The following EML1 variants were observed in gnomAD, a reference collection of about 807,000 sequenced individuals.
EML1 encodes EMAP like 1, also known as echinoderm microtubule-associated protein-like 1.
EML1 carries 27 observed loss-of-function variants against 110.4 expected under a neutral mutation model. That is an observed-to-expected ratio of 0.24 (90% CI 0.18 to 0.34). The LOEUF (loss-of-function observed/expected upper bound fraction) is 0.34, where lower values mean the gene tolerates loss of function less well. Among genes scored for constraint, EML1 ranks in the 10% least tolerant of loss-of-function variants. EML1 has a pLI of 1.00. For synonymous variants in EML1, 344 were observed against 385.8 expected, an observed-to-expected ratio of 0.89 and a Z score of 1.27; for missense variants, 741 against 1,030.9, an observed-to-expected ratio of 0.72 and a Z score of 3.85.
chr14:99,851,523 G>C (rs1337814366), intron 2 of EML1, among the ~76,000 whole-genome samples: 1 of 152,038 alleles, frequency 6.6e-6, no homozygotes, highest in African/African-American at 2.4e-5. Context: ...TAGCCAGGAT[G>C]GTCTCGATCT....
intron 1 of EML1, among the ~76,000 whole-genome samples, chr14:99,833,629 G>A (rs992616555): frequency 7.9e-5 from 12 of 152,122 alleles, no homozygotes; most frequent in Admixed American, 5.9e-4. Context: ...CCACAGACAC[G>A]GTATATCTCT....
At chr14:99,816,081 A>G (rs1249091333) in intron 1 of EML1, among the ~76,000 whole-genome samples, 1 of 152,218 alleles carries the variant, frequency 6.6e-6, no homozygotes, top group Non-Finnish European at 1.5e-5. Flanking sequence ...TTGATGTCAA[A>G]TGTTGTCAGA....
intron 17 of EML1, among the ~76,000 whole-genome samples, chr14:99,921,909 C>G (rs1595485387): frequency 1.3e-5 from 2 of 152,148 alleles, no homozygotes; most frequent in Admixed American, 1.3e-4. Context: ...TCACTTCCAC[C>G]CTCACCCCCA....
At chr14:99,931,411 C>T (rs2060365156) in intron 17 of EML1, among the ~76,000 whole-genome samples, 3 of 152,206 alleles carry the variant, frequency 2.0e-5, no homozygotes, top group African/African-American at 4.8e-5. Context: ...TCTGCTGAGG[C>T]GCTGTTGGGC....
chr14:99,852,275 G>T (rs1390237880), intron 2 of EML1, among the ~76,000 whole-genome samples: 1 of 152,140 alleles, frequency 6.6e-6, no homozygotes, highest in Non-Finnish European at 1.5e-5. Context: ...GATGCCTTTG[G>T]CTAAAACGTT....
intron 3 of EML1, among the ~76,000 whole-genome samples, chr14:99,869,950 G>A (rs1235036681): frequency 6.6e-6 from 1 of 152,200 alleles, no homozygotes; most frequent in African/African-American, 2.4e-5. Context: ...TTCCTGGACA[G>A]CCTGCAGAAC....
chr14:99,921,295 A>T (rs1472643262), intron 17 of EML1, among the ~76,000 whole-genome samples: 2 of 152,168 alleles, frequency 1.3e-5, no homozygotes, highest in African/African-American at 4.8e-5. Flanking sequence ...GTGTATATAT[A>T]CCACATTTTC....
intron 1 of EML1, among the ~76,000 whole-genome samples, chr14:99,800,266 G>A (rs2057850609): frequency 1.3e-5 from 2 of 152,136 alleles, no homozygotes; most frequent in South Asian, 2.1e-4. Context: ...GTCAGCAGGA[G>A]CAAGTGCATA....
chr14:99,938,789 A>G (rs946193905), intron 20 of EML1, among the ~76,000 whole-genome samples: 2 of 152,222 alleles, frequency 1.3e-5, no homozygotes, highest in East Asian at 1.9e-4. Context: ...AGACCCACCC[A>G]TGTAGAGTTA....
chr14:99,812,456 T>C (rs1358923070), intron 1 of EML1, among the ~76,000 whole-genome samples: 2 of 151,834 alleles, frequency 1.3e-5, no homozygotes, highest in Non-Finnish European at 2.9e-5. Context: ...GAGGCTGACA[T>C]AGTGGTACAC....
chr14:99,910,481 G>GTA, intron 12 of EML1, 140 bp downstream of exon 12: 1 of 618,610 alleles, frequency 1.6e-6, no homozygotes, highest in Non-Finnish European at 2.7e-6. Flanking sequence ...ACACATACAT[G>GTA]TGTGCATGTG....
upstream of EML1, among the ~76,000 whole-genome samples, chr14:99,791,171 G>C (rs960661725): frequency 2.6e-5 from 4 of 152,152 alleles, no homozygotes; most frequent in Non-Finnish European, 4.4e-5. Flanking sequence ...CCCTGCCAAA[G>C]TGTTCTAACG....
Position 99,866,431 on chromosome 14 carries a change from G to A in EML1, c.383+785G>A, listed in dbSNP as rs10135668. ...CTAAAAATACAAAAATTATCTGAGCGTGGTGGCACATGCCTGTGATCCCAG... is the reference window on the plus strand; with the variant it reads ...CTAAAAATACAAAAATTATCTGAGCATGGTGGCACATGCCTGTGATCCCAG... On this transcript the variant is annotated intron_variant, in intron 3 of 21. Transcript: ENST00000262233. 5.6e-3 allele frequency among the ~76,000 whole-genome samples: 848 copies of A among 152,184 alleles called. 11 individuals are homozygous for A. Among genetic ancestry groups the A allele is most frequent in the African/African-American group, 0.019 (770 of 41,522 alleles).
intron 17 of EML1, among the ~76,000 whole-genome samples, chr14:99,932,027 C>A (rs979843019): frequency 6.6e-6 from 1 of 152,160 alleles, no homozygotes; most frequent in African/African-American, 2.4e-5. Context: ...GCCTGCATTT[C>A]CACATCACGC....
intron 2 of EML1, among the ~76,000 whole-genome samples, chr14:99,864,805 CAAAA>C (rs67480916): frequency 1.0e-5 from 1 of 99,036 alleles, no homozygotes. Flanking sequence ...AACTCTGTCT[CAAAA>C]AAAAAAAAAA....
intron 2 of EML1, among the ~76,000 whole-genome samples, chr14:99,860,508 T>C (rs2058985008): frequency 1.3e-5 from 2 of 152,162 alleles, no homozygotes; most frequent in African/African-American, 4.8e-5. Context: ...GACTCAACAC[T>C]AGGAGGTATT....
chr14:99,842,816 A>G (rs2058652973), intron 1 of EML1, among the ~76,000 whole-genome samples: 1 of 152,154 alleles, frequency 6.6e-6, no homozygotes, highest in South Asian at 2.1e-4. Flanking sequence ...TGAAAATGCA[A>G]GGTTATACTA....
chr14:99,848,059 ATTTTTTG>A (rs2058733654), intron 1 of EML1, among the ~76,000 whole-genome samples: 2 of 151,876 alleles, frequency 1.3e-5, no homozygotes, highest in African/African-American at 4.8e-5. Flanking sequence ...TTAGCATTTT[ATTTTTTG>A]TTTTTTACTT....
chr14:99,785,642 T>A (rs954614238), intron 1 of EML1, among the ~76,000 whole-genome samples: 4 of 152,010 alleles, frequency 2.6e-5, no homozygotes, highest in Admixed American at 6.5e-5. Flanking sequence ...TGAGCAAAAA[T>A]TTTCACAGAT....
Sources: allele counts gnomAD v4.1 joint callset (sites outside exome capture counted in the v4.1 genomes callset), GRCh38; gene constraint gnomAD v4.1.1; transcripts MANE v1.5; gene names NCBI Gene and HGNC (gene_info 2026-07-23, HGNC 2026-07-21).